The following SLTM variants were observed in gnomAD, a reference collection of about 807,000 sequenced individuals.
The protein encoded by SLTM is SAFB-like transcription modulator.
SLTM carries 43 observed loss-of-function variants against 134.6 expected under a neutral mutation model. That is an observed-to-expected ratio of 0.32 (90% CI 0.25 to 0.41). The LOEUF (loss-of-function observed/expected upper bound fraction) is 0.41, where lower values mean the gene tolerates loss of function less well. Among genes scored for constraint, SLTM ranks in the 10% least tolerant of loss-of-function variants. The pLI is 1.00. For missense variants in SLTM, 1,055 were observed against 1,288.8 expected, an observed-to-expected ratio of 0.82 and a Z score of 2.78; for synonymous variants, 424 against 432.3, an observed-to-expected ratio of 0.98 and a Z score of 0.24.
intron 2 of SLTM, among the ~76,000 whole-genome samples, chr15:58,926,697 C>T (rs2037494873): frequency 6.6e-6 from 1 of 151,656 alleles, no homozygotes; most frequent in African/African-American, 2.4e-5. Context: ...TCACTGCAAC[C>T]TCCTCCTCCC....
At chr15:58,903,627 T>C (rs539037545) in intron 5 of SLTM, among the ~76,000 whole-genome samples, 2 of 152,008 alleles carry the variant, frequency 1.3e-5, no homozygotes, top group South Asian at 2.1e-4. Context: ...ACATGGCACA[T>C]GTATACATAT....
At position 58,913,563 on chromosome 15, in the gene SLTM, CTCT is replaced by C. The variant is rs763892988; in HGVS notation, c.446_448del (p.Lys149del). The C allele has an allele frequency of 1.2e-6, 2 of 1,613,384 alleles. No homozygotes were observed. The highest frequency in any genetic ancestry group is 1.7e-5 in the Admixed American group (1 of 60,022). ...TTCTGCCTCTATTAATTCATGAGCT[CTCT>C]TGTTTTCTTCTGCAGAGAGTAACTC... On this transcript the variant is annotated inframe_deletion, in exon 4 of 21. Coordinates refer to ENST00000380516, the MANE Select transcript of SLTM (RefSeq NM_024755.4).
intron 20 of SLTM, among the ~76,000 whole-genome samples, chr15:58,882,180 T>TCAAAAAAAAAAAAA (rs1431563671): frequency 6.4e-4 from 2 of 3,106 alleles, no homozygotes; most frequent in Non-Finnish European, 7.9e-3. Context: ...AGACTCTGTC[T>TCAAAAAAAAAAAAA]CAAAAAAAAA....
intron 2 of SLTM, among the ~76,000 whole-genome samples, chr15:58,922,758 G>T (rs2037185057): frequency 6.6e-6 from 1 of 150,616 alleles, no homozygotes; most frequent in Non-Finnish European, 1.5e-5. Flanking sequence ...TGTCACCCAG[G>T]CTGGAGTGCA....
chr15:58,919,180 T>C (rs2036850254), intron 2 of SLTM, among the ~76,000 whole-genome samples: 1 of 152,242 alleles, frequency 6.6e-6, no homozygotes, highest in South Asian at 2.1e-4. Context: ...CCCAAAGTGT[T>C]GGGATAACAG....
intron 2 of SLTM, chr15:58,932,125 G>T (rs1313506071): frequency 5.0e-6 from 2 of 400,194 alleles, no homozygotes; most frequent in Non-Finnish European, 9.3e-6. Flanking sequence ...AATTTTTTCC[G>T]GAAGCAATAA....
rs1215482638 is a variant in SLTM, at chr15:58,894,161, C to A, written c.1410G>T (p.Lys470Asn). Reference sequence around the variant, plus strand: ...AACTACTCTTTTCATCATTTTCTTTCTTCATTTCTTTCTTAGAGGGATCAC... The same window carrying A: ...AACTACTCTTTTCATCATTTTCTTTATTCATTTCTTTCTTAGAGGGATCAC... ...VKGDPSKKEM[K>N]KENDEKSSSR... Residue 470 changes from lysine to asparagine, a missense_variant, in exon 11 of 21, where the codon AAG (lysine) becomes AAT (asparagine). This residue lies in a region of SLTM where 776 missense variants were observed against 962.2 expected (regional missense o/e 0.81). Coordinates refer to ENST00000380516, the MANE Select transcript of SLTM (RefSeq NM_024755.4). 6.2e-7 allele frequency: 1 copy of A among 1,611,556 alleles called. No homozygotes were observed. The highest frequency in any genetic ancestry group is 1.7e-4 in the Middle Eastern group (1 of 6,028).
chr15:58,888,673 C>A, intron 16 of SLTM, 118 bp from the exon 17 acceptor site: 1 of 848,372 alleles, frequency 1.2e-6, no homozygotes, highest in Non-Finnish European at 1.8e-6. Context: ...CTAGTAAACT[C>A]AAGACATAAC....
At chr15:58,927,387 G>A (rs551918713) in intron 2 of SLTM, among the ~76,000 whole-genome samples, 55 of 151,990 alleles carry the variant, frequency 3.6e-4, no homozygotes, top group African/African-American at 1.0e-3. Context: ...CTCCTGCCTC[G>A]GCCTCCCAAG....
chr15:58,922,142 G>A (rs1056112357), intron 2 of SLTM, among the ~76,000 whole-genome samples: 4 of 151,852 alleles, frequency 2.6e-5, no homozygotes, highest in Admixed American at 2.0e-4. Context: ...TTGGGAGGCC[G>A]AGGTGGGTGG....
chr15:58,898,127 G>C (rs1210681697), intron 8 of SLTM: 1 of 152,008 alleles, frequency 6.6e-6, no homozygotes, highest in African/African-American at 2.4e-5. Flanking sequence ...GATTTCTAAC[G>C]ATTTAAAATA....
chr15:58,884,573 T>A (rs2140938461), intron 19 of SLTM, among the ~76,000 whole-genome samples: 1 of 152,216 alleles, frequency 6.6e-6, no homozygotes, highest in South Asian at 2.1e-4. Flanking sequence ...CGCCTAGGCC[T>A]CCCAAAGTGC....
chr15:58,887,005 T>G lies in SLTM; in HGVS notation c.2805A>C (p.Gly935=). ...SGYGSREGDR[G]VITDRGGGSQ... is the part of the protein sequence containing the mutation. ...ATCCACCTCCTCGGTCTGTGATGAC[T>G]CCTCTGTCTCCCTCTCTGCTCCCGT... Residue 935 remains glycine, a synonymous_variant, in exon 19 of 21, where the codon GGA becomes GGC. Transcript: ENST00000380516. 3 of 1,612,786 alleles carry G rather than the reference T, an allele frequency of 1.9e-6. No homozygotes were observed. The highest frequency in any genetic ancestry group is 2.5e-6 in the Non-Finnish European group (3 of 1,180,016).
At chr15:58,903,798 GCCTTTACAGAGTGACAAC>G (rs1312871313) in intron 5 of SLTM, among the ~76,000 whole-genome samples, 1 of 151,996 alleles carries the variant, frequency 6.6e-6, no homozygotes, top group East Asian at 1.9e-4. Context: ...GAGCATTGCT[GCCTTTACAGAGTGACAAC>G]CTTAGTGAAA....
intron 2 of SLTM, among the ~76,000 whole-genome samples, chr15:58,920,070 A>G (rs531733671): frequency 1.2e-3 from 181 of 151,984 alleles, no homozygotes; most frequent in South Asian, 7.3e-3. Context: ...AAACCCAGCA[A>G]TTTGGGAGGC....
intron 5 of SLTM, among the ~76,000 whole-genome samples, chr15:58,908,427 T>A (rs2036027843): frequency 6.6e-6 from 1 of 151,968 alleles, no homozygotes; most frequent in Non-Finnish European, 1.5e-5. Flanking sequence ...AGTACAGTGG[T>A]GTGATCTTGG....
At chr15:58,882,159 T>C (rs112669602) in intron 20 of SLTM, among the ~76,000 whole-genome samples, 2,579 of 64,862 alleles carry the variant, frequency 0.04, 88 homozygotes, top group African/African-American at 0.12. Context: ...CACTCCAGCC[T>C]GGACAGAGCA....
chr15:58,907,777 T>C (rs2141085153), intron 5 of SLTM, among the ~76,000 whole-genome samples: 1 of 152,316 alleles, frequency 6.6e-6, no homozygotes, highest in Non-Finnish European at 1.5e-5. Flanking sequence ...CTATGATTAA[T>C]CCCTATATCA....
At chr15:58,911,569 C>T (rs2036269649) in intron 5 of SLTM, among the ~76,000 whole-genome samples, 1 of 152,134 alleles carries the variant, frequency 6.6e-6, no homozygotes, top group Non-Finnish European at 1.5e-5. Context: ...AACCACCAAA[C>T]CCTCTCTGGT....
Sources: gnomAD v4.1 joint callset for allele counts (sites outside exome capture counted in the v4.1 genomes callset) on GRCh38, gnomAD v4.1.1 for gene constraint, gnomAD v4.1.1 regional missense constraint, MANE v1.5 for transcripts, NCBI Gene and HGNC (gene_info 2026-07-23, HGNC 2026-07-21) for gene names.